AGBL4: variants seen among roughly 807,000 people sequenced by gnomAD.
AGBL4 encodes the protein AGBL carboxypeptidase 4.
AGBL4 carries 58 observed loss-of-function variants against 66.4 expected under a neutral mutation model. The ratio of observed to expected loss-of-function variants is 0.87; its 90% confidence interval spans 0.71 to 1.09. The LOEUF (loss-of-function observed/expected upper bound fraction) is 1.09. Ranked by LOEUF, AGBL4 falls within the 50% of genes least tolerant of loss-of-function variation. The pLI is 0.00. For missense variants in AGBL4, 579 were observed against 631.0 expected, an observed-to-expected ratio of 0.92 and a Z score of 0.88; for synonymous variants, 234 against 222.9, an observed-to-expected ratio of 1.05 and a Z score of -0.44.
intron 2 of AGBL4, among the ~76,000 whole-genome samples, chr1:49,824,076 G>A (rs1208255770): frequency 1.3e-5 from 2 of 152,076 alleles, no homozygotes; most frequent in South Asian, 2.1e-4. Flanking sequence ...AGGTGTGGTG[G>A]TGCATGCCTG....
intron 5 of AGBL4, among the ~76,000 whole-genome samples, chr1:48,960,954 G>A (rs886883639): frequency 6.6e-6 from 1 of 152,130 alleles, no homozygotes; most frequent in African/African-American, 2.4e-5. Flanking sequence ...AATTGTTCTT[G>A]TAGCTAAGGC....
intron 1 of AGBL4, among the ~76,000 whole-genome samples, chr1:49,880,755 C>T (rs1209590760): frequency 1.3e-5 from 2 of 152,204 alleles, no homozygotes; most frequent in South Asian, 2.1e-4. Flanking sequence ...GCCCCTCCCC[C>T]AGCCTTGCTG....
rs75829364 is a variant in AGBL4 at position 49,330,938 on chromosome 1, C to T, written c.283-85074G>A. Among the ~76,000 whole-genome samples, 558 of 152,160 alleles carry T rather than the reference C, an allele frequency of 3.7e-3. 3 individuals are homozygous for T. The highest frequency in any genetic ancestry group is 0.013 in the African/African-American group (548 of 41,520). ...GAGAACAGAGGAAAGCAGGGCAGTG[C>T]GACGGCCCACCTGGGAGCAACACAG... On this transcript the variant is annotated intron_variant, in intron 3 of 13. Coordinates refer to ENST00000371839, the MANE Select transcript of AGBL4 (RefSeq NM_032785.4).
In AGBL4 at chr1:49,666,338, G is replaced by A. The variant is rs1390585983; in HGVS notation, c.282+30975C>T. Among the ~76,000 whole-genome samples, 3 of 152,270 alleles carry A rather than the reference G, an allele frequency of 2.0e-5. No individual in the cohort carries two copies. In the South Asian group the frequency reaches 6.2e-4, roughly 32 times the overall value. On this transcript the variant is annotated intron_variant, in intron 3 of 13. Transcript: ENST00000371839. ...CTAGCACTTTGGAAGGCCCAAGCGGGTGGATCATTTGAGGTCAGGTGTTGC... is the reference window on the plus strand; with the variant it reads ...CTAGCACTTTGGAAGGCCCAAGCGGATGGATCATTTGAGGTCAGGTGTTGC...
At position 49,546,022 on chromosome 1, in the gene AGBL4, C is replaced by T. The variant is rs191852829; in HGVS notation, c.282+151291G>A. Among the ~76,000 whole-genome samples the T allele has an allele frequency of 5.4e-3, 815 of 152,212 alleles. 3 individuals are homozygous for T. The highest frequency in any genetic ancestry group is 8.4e-3 in the Admixed American group (129 of 15,280). On this transcript the variant is annotated intron_variant, in intron 3 of 13. Coordinates refer to ENST00000371839, the MANE Select transcript of AGBL4 (RefSeq NM_032785.4). ...GCACCATATTTGTAGTCTCTTATCCCTTGCCTCCCTCCCACTTTTCCCCAA... is the reference window on the plus strand; with the variant it reads ...GCACCATATTTGTAGTCTCTTATCCTTTGCCTCCCTCCCACTTTTCCCCAA...
chr1:49,728,631 G>A (rs1192183925), intron 2 of AGBL4, among the ~76,000 whole-genome samples: 1 of 152,146 alleles, frequency 6.6e-6, no homozygotes, highest in Non-Finnish European at 1.5e-5. Flanking sequence ...GAGGTAAACA[G>A]GAATATGGGG....
intron 8 of AGBL4, among the ~76,000 whole-genome samples, chr1:48,648,085 A>G (rs1226342856): frequency 6.6e-6 from 1 of 152,160 alleles, no homozygotes; most frequent in Admixed American, 6.5e-5. Flanking sequence ...TTACCATCAT[A>G]ACCATTTTTA....
At chr1:49,963,578 A>G (rs1657294926) in intron 1 of AGBL4, among the ~76,000 whole-genome samples, 1 of 152,190 alleles carries the variant, frequency 6.6e-6, no homozygotes, top group Admixed American at 6.6e-5. Context: ...CCTCAGGACC[A>G]AAGTCAGGGC....
chr1:49,730,271 C>T (rs988876050), intron 2 of AGBL4, among the ~76,000 whole-genome samples: 7 of 152,094 alleles, frequency 4.6e-5, no homozygotes, highest in Non-Finnish European at 1.0e-4. Context: ...GGACAAGAAC[C>T]CAGAACCCAC....
chr1:49,340,153 C>T (rs777032969), intron 3 of AGBL4, among the ~76,000 whole-genome samples: 4 of 146,954 alleles, frequency 2.7e-5, no homozygotes, highest in Non-Finnish European at 4.5e-5. Context: ...CTAATTAGTG[C>T]GGTTTTTATT....
chr1:48,807,045 T>G (rs918056482), intron 6 of AGBL4, among the ~76,000 whole-genome samples: 8 of 152,234 alleles, frequency 5.3e-5, no homozygotes, highest in Non-Finnish European at 1.2e-4. Context: ...GTTCTTCACT[T>G]GGCCACTTGC....
intron 3 of AGBL4, among the ~76,000 whole-genome samples, chr1:49,399,539 ATC>A (rs905007948): frequency 7.9e-5 from 12 of 152,088 alleles, no homozygotes. Flanking sequence ...AAGTCATTTT[ATC>A]TGAGGTGAGG....
chr1:49,465,968 C>T (rs1190149607), intron 3 of AGBL4, among the ~76,000 whole-genome samples: 1 of 151,782 alleles, frequency 6.6e-6, no homozygotes, highest in Admixed American at 6.6e-5. Flanking sequence ...TGAGATGATT[C>T]CCAATGACTC....
intron 6 of AGBL4, among the ~76,000 whole-genome samples, chr1:48,850,638 C>T (rs572919376): frequency 1.1e-4 from 17 of 152,270 alleles, no homozygotes; most frequent in Non-Finnish European, 2.1e-4. Flanking sequence ...GATCCTCCCA[C>T]ACCAACCTCC....
intron 4 of AGBL4, among the ~76,000 whole-genome samples, chr1:49,111,166 T>G (rs932432393): frequency 1.1e-4 from 17 of 150,192 alleles, no homozygotes; most frequent in African/African-American, 4.2e-4. Flanking sequence ...CAGGTTGGAG[T>G]GCAGTGGCGT....
intron 2 of AGBL4, among the ~76,000 whole-genome samples, chr1:49,838,840 T>C (rs1003521927): frequency 1.3e-5 from 2 of 152,108 alleles, no homozygotes; most frequent in Non-Finnish European, 2.9e-5. Context: ...TACCTTAAAT[T>C]GTTATTTAAA....
At chr1:49,015,230 G>A (rs1467391181) in intron 5 of AGBL4, among the ~76,000 whole-genome samples, 1 of 152,066 alleles carries the variant, frequency 6.6e-6, no homozygotes, top group East Asian at 1.9e-4. Context: ...GTTGGTGGTA[G>A]AAGAAAGAAT....
intron 6 of AGBL4, among the ~76,000 whole-genome samples, chr1:48,705,135 T>A (rs1466172792): frequency 2.0e-5 from 3 of 152,210 alleles, no homozygotes; most frequent in Non-Finnish European, 2.9e-5. Flanking sequence ...ACTATAACTG[T>A]ATGTCACACA....
rs370594029 is a variant in AGBL4 at position 49,381,844 on chromosome 1, G to A, written c.283-135980C>T. 7.1e-3 allele frequency among the ~76,000 whole-genome samples: 976 copies of A among 136,856 alleles called. 8 individuals carry two copies. The highest frequency in any genetic ancestry group is 0.034 in the Middle Eastern group (8 of 238). 89.8% of individuals were successfully genotyped at this position (136,856 alleles called of 152,430 possible). A position where few individuals can be genotyped will look rare whatever the true frequency, so the allele number is the denominator to read the frequency against. ...GGGAACATCACACTCTGGGGACTGT[G>A]GTGGGGTGGGGGAAGGGGGGAGGGA... is the stretch of plus-strand genomic sequence containing the variant. On this transcript the variant is annotated intron_variant, in intron 3 of 13. Transcript: ENST00000371839.
Sources: allele counts gnomAD v4.1 joint callset (sites outside exome capture counted in the v4.1 genomes callset), GRCh38; gene constraint gnomAD v4.1.1; transcripts MANE v1.5; gene names NCBI Gene and HGNC (gene_info 2026-07-23, HGNC 2026-07-21).